Variants in TAMM41 observed in about 807,000 individuals in gnomAD.
TAMM41 encodes TAM41 mitochondrial translocator assembly and maintenance homolog, also known as phosphatidate cytidylyltransferase, mitochondrial.
Under a neutral mutation model 44.1 loss-of-function variants are expected in TAMM41, and 36 were observed. The observed-to-expected ratio is 0.82, with a 90% CI of 0.63 to 1.08. The LOEUF is 1.08. Ranked by LOEUF, TAMM41 falls within the 50% of genes least tolerant of loss-of-function variation. The probability of loss-of-function intolerance (pLI) is 0.00; values close to 1 mark genes in which losing one functional copy is unlikely to be tolerated. For missense variants in TAMM41, 417 were observed against 404.3 expected (o/e 1.03, Z -0.27); for synonymous variants, 164 against 153.1 (o/e 1.07, Z -0.53).
At chr3:11,772,951 GTCTT>G in the TAMM41 span, among the ~76,000 whole-genome samples, 1 of 151,986 alleles carries the variant, frequency 6.6e-6, no homozygotes, top group Non-Finnish European at 1.5e-5. Context: ...TCAAACTCAG[GTCTT>G]TCTTTCTCTC....
the TAMM41 span, among the ~76,000 whole-genome samples, chr3:11,751,739 C>T: frequency 7.9e-5 from 12 of 152,326 alleles, no homozygotes; most frequent in South Asian, 8.3e-4. Flanking sequence ...AACTCCCTGC[C>T]GCACTTGCCA....
chr3:11,768,747 A>T, the TAMM41 span, among the ~76,000 whole-genome samples: 1 of 152,182 alleles, frequency 6.6e-6, no homozygotes, highest in African/African-American at 2.4e-5. Flanking sequence ...AGGCAATGAG[A>T]CAAGGTTCCT....
At chr3:11,823,862 G>T (rs9840435) in intron 4 of TAMM41, among the ~76,000 whole-genome samples, 78,843 of 139,442 alleles carry the variant, frequency 0.57, 24,121 homozygotes, top group African/African-American at 0.78. Context: ...AGTCTTACTC[G>T]GTCGCCAGGC....
At chr3:11,729,539 ATTTTTTTTTTTTTTTTTTTTTT>A in the TAMM41 span, among the ~76,000 whole-genome samples, 4 of 32,272 alleles carry the variant, frequency 1.2e-4, no homozygotes, top group Admixed American at 1.2e-3. Context: ...TCTTTCTTTC[ATTTTTTTTTTTTTTTTTTTTTT>A]TTTTTTTTTT....
the TAMM41 span, among the ~76,000 whole-genome samples, chr3:11,779,712 T>A: frequency 6.6e-6 from 1 of 152,332 alleles, no homozygotes; most frequent in East Asian, 1.9e-4. Flanking sequence ...TTAGTCACTA[T>A]CTATTAGCTG....
intron 7 of TAMM41, among the ~76,000 whole-genome samples, chr3:11,798,246 C>G (rs554524809): frequency 3.9e-5 from 6 of 152,222 alleles, no homozygotes; most frequent in Admixed American, 1.3e-4. Flanking sequence ...ATGGAATCAA[C>G]CTAAATGCCC....
At chr3:11,792,888 C>T (rs533896433) in intron 7 of TAMM41, among the ~76,000 whole-genome samples, 7 of 151,908 alleles carry the variant, frequency 4.6e-5, no homozygotes, top group Non-Finnish European at 8.8e-5. Context: ...GGTGAAACCC[C>T]GTCTCTACTA....
the TAMM41 span, among the ~76,000 whole-genome samples, chr3:11,761,963 A>AAAAG: frequency 1.0e-4 from 15 of 149,916 alleles, no homozygotes; most frequent in African/African-American, 3.0e-4. Context: ...AAAAAAAAAA[A>AAAAG]AAAGAAAGAA....
intron 3 of TAMM41, among the ~76,000 whole-genome samples, chr3:11,838,633 G>A (rs527825336): frequency 1.3e-5 from 2 of 152,308 alleles, no homozygotes; most frequent in East Asian, 1.9e-4. Context: ...GGAGCGCCAC[G>A]ACTTCTCCGG....
chr3:11,813,786 CA>C (rs1414623156), intron 5 of TAMM41, among the ~76,000 whole-genome samples: 1 of 144,802 alleles, frequency 6.9e-6, no homozygotes. Flanking sequence ...CCTGTCTCTA[CA>C]AAAAAAAATT....
At chr3:11,794,879 C>T (rs974721187) in intron 7 of TAMM41, among the ~76,000 whole-genome samples, 3 of 152,158 alleles carry the variant, frequency 2.0e-5, no homozygotes, top group Non-Finnish European at 4.4e-5. Flanking sequence ...CCAAAACATC[C>T]TTCCAGTTCA....
At chr3:11,788,722 G>A (rs2077431862), downstream of TAMM41, among the ~76,000 whole-genome samples, 1 of 152,158 alleles carries the variant, frequency 6.6e-6, no homozygotes, top group Non-Finnish European at 1.5e-5. Context: ...GATCACCTGA[G>A]GTCAGGAGTT....
the TAMM41 span, among the ~76,000 whole-genome samples, chr3:11,733,408 G>A: frequency 6.6e-6 from 1 of 152,138 alleles, no homozygotes; most frequent in Non-Finnish European, 1.5e-5. Context: ...CCTGGCTGAG[G>A]CATAATGCTA....
At chr3:11,769,825 A>G in the TAMM41 span, among the ~76,000 whole-genome samples, 3 of 152,190 alleles carry the variant, frequency 2.0e-5, no homozygotes, top group African/African-American at 4.8e-5. Flanking sequence ...GCTGTGCTGG[A>G]AAGTGTGACT....
chr3:11,815,433 G>A (rs866058517), intron 5 of TAMM41, among the ~76,000 whole-genome samples: 6 of 152,060 alleles, frequency 3.9e-5, no homozygotes, highest in East Asian at 1.9e-4. Flanking sequence ...AGAGTTTTAC[G>A]GATCTGTCAA....
intron 7 of TAMM41, among the ~76,000 whole-genome samples, chr3:11,800,900 T>A (rs1032876631): frequency 9.9e-5 from 15 of 152,092 alleles, no homozygotes; most frequent in African/African-American, 3.4e-4. Flanking sequence ...ATGGGCTACA[T>A]AGGGAGACTT....
chr3:11,746,346 C>T, the TAMM41 span, among the ~76,000 whole-genome samples: 18 of 150,886 alleles, frequency 1.2e-4, no homozygotes, highest in East Asian at 5.8e-4. Context: ...TACCATATGA[C>T]GCCAGAAGTG....
the TAMM41 span, among the ~76,000 whole-genome samples, chr3:11,747,671 TG>T: frequency 6.6e-6 from 1 of 151,456 alleles, no homozygotes; most frequent in Non-Finnish European, 1.5e-5. Flanking sequence ...CAGGAGGCTG[TG>T]GGAGGACTGC....
At chr3:11,810,822 G>A (rs2078064013) in intron 5 of TAMM41, 1 of 152,070 alleles carries the variant, frequency 6.6e-6, no homozygotes, top group Non-Finnish European at 1.5e-5. Context: ...CCAACAGTTT[G>A]GGAGGCTGAG....
Sources: gnomAD v4.1 joint callset for allele counts (sites outside exome capture counted in the v4.1 genomes callset) on GRCh38, gnomAD v4.1.1 for gene constraint, MANE v1.5 for transcripts, NCBI Gene and HGNC (gene_info 2026-07-23, HGNC 2026-07-21) for gene names.